Variants in OPA1 observed in about 807,000 individuals in gnomAD.
OPA1 encodes the protein dynamin-like GTPase OPA1, mitochondrial.
OPA1 carries 59 observed loss-of-function variants against 152.9 expected under a neutral mutation model. That is an observed-to-expected ratio of 0.39 (90% confidence interval 0.31 to 0.48). The LOEUF is 0.48. Among genes scored for constraint, OPA1 ranks in the 20% least tolerant of loss-of-function variants. The probability of loss-of-function intolerance (pLI) is 0.96; values close to 1 mark genes in which losing one functional copy is unlikely to be tolerated. For synonymous variants in OPA1, 400 were observed against 389.9 expected, an observed-to-expected ratio of 1.03 and a Z score of -0.31; for missense variants, 1,008 against 1,216.8, an observed-to-expected ratio of 0.83 and a Z score of 2.55.
chr3:193,659,129 G>A, intron 24 of OPA1, 134 bp downstream of exon 24: 4 of 741,950 alleles, frequency 5.4e-6, no homozygotes, highest in Middle Eastern at 2.4e-4. Flanking sequence ...AATATTATTT[G>A]TGGAATTTTT....
chr3:193,690,689 C>G (rs1005115654), intron 29 of OPA1, among the ~76,000 whole-genome samples: 1 of 151,962 alleles, frequency 6.6e-6, no homozygotes. Context: ...AAAAGGAATA[C>G]ATGTATCTTC....
chr3:193,601,845 C>T (rs1442465853), intron 1 of OPA1, among the ~76,000 whole-genome samples: 1 of 152,106 alleles, frequency 6.6e-6, no homozygotes, highest in African/African-American at 2.4e-5. Flanking sequence ...AATAGCTTTC[C>T]ATTCTTCCCT....
chr3:193,694,364 G>A (rs1250570233), intron 30 of OPA1, among the ~76,000 whole-genome samples: 1 of 152,166 alleles, frequency 6.6e-6, no homozygotes, highest in Admixed American at 6.5e-5. Flanking sequence ...GTGTTTATAT[G>A]CTATACAGTC....
Position 193,696,479 on chromosome 3 carries a change from A to G in OPA1, c.*1879A>G, listed in dbSNP as rs1722260968. ...ACATGAGAGTCCTGACGCCCTCTCC[A>G]TGCCCCACAGTAATGTGGCTTCTTT... is the stretch of plus-strand genomic sequence containing the variant. On this transcript the variant is annotated 3_prime_UTR_variant, in exon 31 of 31. Transcript: ENST00000361510. 6.6e-6 allele frequency: 1 copy of G among 152,194 alleles called. No individual in the cohort carries two copies. Among genetic ancestry groups the G allele is most frequent in the African/African-American group, 2.4e-5 (1 of 41,454 alleles). The allele number at this position is 152,194 out of a possible 1,614,324, so 9.4% of individuals were successfully genotyped here.
chr3:193,647,948 A>C, intron 19 of OPA1, 122 bp from the exon 20 acceptor site: 1 of 727,848 alleles, frequency 1.4e-6, no homozygotes. Flanking sequence ...CAGAGTACTA[A>C]GGGGTCATAG....
At chr3:193,686,973 G>A (rs1721014710) in intron 29 of OPA1, among the ~76,000 whole-genome samples, 3 of 152,130 alleles carry the variant, frequency 2.0e-5, no homozygotes, top group South Asian at 4.1e-4. Flanking sequence ...ATGTGTTAGT[G>A]TTTTGTGTGT....
In OPA1 at chr3:193,667,198, G is replaced by A. The variant is rs1345650913; in HGVS notation, c.2901G>A (p.Glu967=). The A allele has an allele frequency of 1.3e-6, 2 of 1,594,870 alleles. No individual in the cohort carries two copies. Among genetic ancestry groups the A allele is most frequent in the East Asian group, 2.2e-5 (1 of 44,782 alleles). Reference sequence around the variant, plus strand: ...GGCGATTAGAGAAAAATGTTAAAGAGGTATTGGAAGATTTTGCTGAAGATG... The same window carrying A: ...GGCGATTAGAGAAAAATGTTAAAGAAGTATTGGAAGATTTTGCTGAAGATG... The part of the protein sequence containing the change: ...EVRRLEKNVK[E]VLEDFAEDGE... The change falls in exon 29 of 31, where the codon GAG becomes GAA. Residue 967 remains glutamate (E), a synonymous_variant. Coordinates refer to ENST00000361510, the MANE Select transcript of OPA1 (RefSeq NM_130837.3).
At chr3:193,689,234 G>C (rs914368726) in intron 29 of OPA1, 1 of 152,132 alleles carries the variant, frequency 6.6e-6, no homozygotes, top group African/African-American at 2.4e-5. Flanking sequence ...AAAGAACAAA[G>C]AAATAAATGT....
intron 23 of OPA1, 132 bp downstream of exon 23, chr3:193,657,364 T>G: frequency 1.1e-6 from 1 of 877,608 alleles, no homozygotes. Flanking sequence ...AGAAACAGAT[T>G]TATGATCTGT....
chr3:193,645,422 T>G (rs1734416264), intron 16 of OPA1, 131 bp from the exon 17 acceptor site: 1 of 647,668 alleles, frequency 1.5e-6, no homozygotes, highest in East Asian at 2.8e-5. Context: ...AAAAACATTT[T>G]AAATGCTTTT....
At chr3:193,651,694 T>C (rs1182109762) in intron 21 of OPA1, among the ~76,000 whole-genome samples, 2 of 152,188 alleles carry the variant, frequency 1.3e-5, no homozygotes, top group Non-Finnish European at 2.9e-5. Context: ...AAATACAATA[T>C]ACTTTTAGAT....
chr3:193,638,717 A>G (rs1474405855), intron 11 of OPA1, among the ~76,000 whole-genome samples: 1 of 152,242 alleles, frequency 6.6e-6, no homozygotes, highest in Non-Finnish European at 1.5e-5. Context: ...AACATCACAC[A>G]TAGGAATTCC....
At position 193,667,083 on chromosome 3, in the gene OPA1, T is replaced by A. The variant is rs1041998009; in HGVS notation, c.2873-87T>A. 5 of 722,500 alleles carry A rather than the reference T, an allele frequency of 6.9e-6. No individual in the cohort carries two copies. The African/African-American group carries it at 8.9e-5, about 13-fold the overall frequency. The allele number at this position is 722,500 out of a possible 1,614,324, so 44.8% of individuals were successfully genotyped here. A position where few individuals can be genotyped will look rare whatever the true frequency, so the allele number is the denominator to read the frequency against. On this transcript the variant is annotated intron_variant, in intron 28 of 30. Transcript: ENST00000361510. ...AATAGTTCTAACATGATAAAAAATT[T>A]ACTCTCCATATATATAGGTTAATTT... is the stretch of plus-strand genomic sequence containing the variant.
chr3:193,683,724 C>T (rs1194005307), intron 29 of OPA1, among the ~76,000 whole-genome samples: 1 of 152,150 alleles, frequency 6.6e-6, no homozygotes, highest in African/African-American at 2.4e-5. Context: ...TCAGGTGATC[C>T]TTAGCATTTG....
chr3:193,617,429 C>G, intron 4 of OPA1, 144 bp downstream of exon 4: 1 of 651,644 alleles, frequency 1.5e-6, no homozygotes, highest in Non-Finnish European at 2.7e-6. Flanking sequence ...AAGATAAACA[C>G]AAAGTTTTGT....
At chr3:193,674,038 T>G (rs1414788932) in intron 29 of OPA1, among the ~76,000 whole-genome samples, 1 of 152,254 alleles carries the variant, frequency 6.6e-6, no homozygotes, top group Non-Finnish European at 1.5e-5. Context: ...AGAGTCGGGC[T>G]CGCAGCAGCG....
Position 193,643,521 on chromosome 3 carries a change from C to CT in OPA1, c.1378-4dup. On this transcript the variant is annotated splice_region_variant and splice_polypyrimidine_tract_variant and intron_variant, in intron 14 of 30. Coordinates refer to ENST00000361510, the MANE Select transcript of OPA1 (RefSeq NM_130837.3). ...TTATAATGACATTTAAAACCTTTTT[C>CT]TTTAAGACTGTGACATCAGGCATGG... The CT allele has an allele frequency of 6.2e-7, 1 of 1,613,210 alleles. No homozygotes were observed.
At chr3:193,643,894 C>A in intron 15 of OPA1, 81 bp from the exon 16 acceptor site, 1 of 1,391,576 alleles carries the variant, frequency 7.2e-7, no homozygotes. Context: ...AATGTAGACA[C>A]AGGGGTATAA....
chr3:193,678,656 C>T (rs1203355383), intron 29 of OPA1, among the ~76,000 whole-genome samples: 1 of 152,056 alleles, frequency 6.6e-6, no homozygotes, highest in Non-Finnish European at 1.5e-5. Context: ...AAAAATGAAA[C>T]CTATGGTACC....
Sources: allele counts gnomAD v4.1 joint callset (sites outside exome capture counted in the v4.1 genomes callset), GRCh38; gene constraint gnomAD v4.1.1; transcripts MANE v1.5; gene names NCBI Gene and HGNC (gene_info 2026-07-23, HGNC 2026-07-21).